MSRA: variants seen among roughly 807,000 people sequenced by gnomAD.
The protein encoded by MSRA is mitochondrial peptide methionine sulfoxide reductase.
MSRA carries 54 observed loss-of-function variants against 31.3 expected under a neutral mutation model. That is an observed-to-expected ratio of 1.73 (90% confidence interval 1.39 to 2.17). MSRA has a LOEUF of 2.17. Among genes scored for constraint, MSRA ranks in the 30% most tolerant of loss-of-function variants. The pLI is 0.00. For missense variants in MSRA, 507 were observed against 300.9 expected, an observed-to-expected ratio of 1.69 and a Z score of -5.07; for synonymous variants, 169 against 116.5, an observed-to-expected ratio of 1.45 and a Z score of -2.90.
chr8:10,226,779 G>T (rs775832843), intron 2 of MSRA, among the ~76,000 whole-genome samples: 14 of 152,160 alleles, frequency 9.2e-5, no homozygotes, highest in Non-Finnish European at 1.9e-4. Flanking sequence ...AGGCCAGCTG[G>T]TGTGCATATT....
chr8:10,283,717 C>T (rs10103875), intron 3 of MSRA, among the ~76,000 whole-genome samples: 49,533 of 146,958 alleles, frequency 0.34, 8,475 homozygotes, highest in African/African-American at 0.38. Flanking sequence ...CTGAGTTACT[C>T]CACTTAGAAT....
chr8:10,273,493 T>A (rs1315646416), intron 3 of MSRA, among the ~76,000 whole-genome samples: 1 of 152,192 alleles, frequency 6.6e-6, no homozygotes, highest in African/African-American at 2.4e-5. Flanking sequence ...TCTTTTAGGA[T>A]TAAATGAATT....
chr8:10,279,927 C>G (rs1345539570), intron 3 of MSRA, among the ~76,000 whole-genome samples: 2 of 152,178 alleles, frequency 1.3e-5, no homozygotes, highest in Non-Finnish European at 2.9e-5. Flanking sequence ...CTTGGATATT[C>G]TGTTGAATTT....
chr8:10,083,891 A>G (rs1798415421), intron 1 of MSRA, among the ~76,000 whole-genome samples: 1 of 152,228 alleles, frequency 6.6e-6, no homozygotes, highest in Admixed American at 6.5e-5. Context: ...TCTGAGAATT[A>G]GATCCCAGTC....
chr8:10,161,200 C>T (rs1804612088), intron 1 of MSRA, among the ~76,000 whole-genome samples: 1 of 152,112 alleles, frequency 6.6e-6, no homozygotes, highest in Non-Finnish European at 1.5e-5. Context: ...AGGGGCTGCC[C>T]AGCAAGCCAA....
intron 1 of MSRA, among the ~76,000 whole-genome samples, chr8:10,199,343 C>A (rs569266277): frequency 1.3e-5 from 2 of 152,128 alleles, no homozygotes; most frequent in South Asian, 4.1e-4. Context: ...TTTTTTGAGA[C>A]GCATTCTCAC....
chr8:10,081,176 G>T (rs1220344893), intron 1 of MSRA, among the ~76,000 whole-genome samples: 2 of 152,194 alleles, frequency 1.3e-5, no homozygotes, highest in African/African-American at 2.4e-5. Context: ...TGATCAGGAG[G>T]CATCATATAA....
At chr8:10,385,623 G>C (rs1403125175) in intron 5 of MSRA, among the ~76,000 whole-genome samples, 2 of 152,188 alleles carry the variant, frequency 1.3e-5, no homozygotes, top group African/African-American at 4.8e-5. Flanking sequence ...GGCTCCCAGA[G>C]TTCAGTGGGG....
At chr8:10,405,914 GCA>G (rs896259611) in intron 5 of MSRA, among the ~76,000 whole-genome samples, 12 of 152,314 alleles carry the variant, frequency 7.9e-5, no homozygotes, top group African/African-American at 2.9e-4. Flanking sequence ...TACTCACAGT[GCA>G]CACACACATG....
intron 3 of MSRA, among the ~76,000 whole-genome samples, chr8:10,265,126 T>G (rs1228636525): frequency 6.6e-6 from 1 of 152,162 alleles, no homozygotes; most frequent in Non-Finnish European, 1.5e-5. Flanking sequence ...TCAGGTGGTG[T>G]TTTACCAAAT....
intron 1 of MSRA, among the ~76,000 whole-genome samples, chr8:10,202,816 T>C (rs922103125): frequency 3.9e-5 from 6 of 152,178 alleles, no homozygotes; most frequent in Non-Finnish European, 4.4e-5. Flanking sequence ...CCCCATGAAG[T>C]AAGTACAAAT....
chr8:10,365,993 A>T (rs1805143202), intron 5 of MSRA, among the ~76,000 whole-genome samples: 1 of 152,222 alleles, frequency 6.6e-6, no homozygotes, highest in Admixed American at 6.5e-5. Flanking sequence ...CAAGCTGAGC[A>T]GCCTTGCCTG....
chr8:10,368,084 C>G lies in MSRA; in HGVS notation c.543+48095C>G, dbSNP rs75293180. Among the ~76,000 whole-genome samples the G allele has an allele frequency of 8.2e-3, 1,249 of 152,182 alleles. 14 individuals are homozygous for G. The highest frequency in any genetic ancestry group is 0.048 in the Middle Eastern group (14 of 294). ...GAATGAGTGTCCTGCCACAGCAGAG[C>G]CAGGCACAGCAGAATGACCATGAGT... On this transcript the variant is annotated intron_variant, in intron 5 of 5. Transcript: ENST00000317173.
intron 5 of MSRA, among the ~76,000 whole-genome samples, chr8:10,342,477 C>T (rs1365250913): frequency 6.6e-6 from 1 of 152,168 alleles, no homozygotes; most frequent in Non-Finnish European, 1.5e-5. Flanking sequence ...TAATTTTGAC[C>T]TTGTGGATCC....
chr8:10,233,596 CTTAG>C (rs1323803638), intron 2 of MSRA, among the ~76,000 whole-genome samples: 5 of 152,070 alleles, frequency 3.3e-5, no homozygotes. Context: ...TGATGAGGAA[CTTAG>C]TTAATGTTTT....
chr8:10,162,209 T>C (rs529134976), intron 1 of MSRA, among the ~76,000 whole-genome samples: 3 of 152,172 alleles, frequency 2.0e-5, no homozygotes, highest in African/African-American at 4.8e-5. Flanking sequence ...AAGGCTCTTA[T>C]TTATTTTTAT....
intron 5 of MSRA, among the ~76,000 whole-genome samples, chr8:10,360,673 C>T (rs959970639): frequency 2.0e-5 from 3 of 152,172 alleles, no homozygotes; most frequent in African/African-American, 7.2e-5. Context: ...GAACTCCAGC[C>T]CCAAAGCAGG....
In MSRA at chr8:10,428,189, C is replaced by T. The variant is rs779669937; in HGVS notation, c.585C>T (p.Ile195=). The T allele has an allele frequency of 5.6e-6, 9 of 1,614,158 alleles. No individual in the cohort carries two copies. In the South Asian group the frequency reaches 9.9e-5, roughly 18 times the overall value. The change falls in exon 6 of 6, where the codon ATC becomes ATT. Residue 195 remains isoleucine (I), a synonymous_variant. Coordinates refer to ENST00000317173, the MANE Select transcript of MSRA (RefSeq NM_012331.5). ...EHGFGPITTD[I]REGQTFYYAE... is the part of the protein sequence containing the mutation. ...GCTTCGGCCCCATCACTACCGACAT[C>T]CGGGAGGGACAGACTTTCTACTATG...
At chr8:10,134,486 G>A (rs868377984) in intron 1 of MSRA, among the ~76,000 whole-genome samples, 6 of 152,220 alleles carry the variant, frequency 3.9e-5, no homozygotes, top group African/African-American at 7.2e-5. Flanking sequence ...CACGGTGACC[G>A]TGGGGCACAT....
Sources: gnomAD v4.1 joint callset for allele counts (sites outside exome capture counted in the v4.1 genomes callset) on GRCh38, gnomAD v4.1.1 for gene constraint, MANE v1.5 for transcripts, NCBI Gene and HGNC (gene_info 2026-07-23, HGNC 2026-07-21) for gene names.